TMEM40: variants seen among roughly 807,000 people sequenced by gnomAD.
The protein encoded by TMEM40 is transmembrane protein 40.
TMEM40 carries 34 observed loss-of-function variants against 40.8 expected under a neutral mutation model. The ratio of observed to expected loss-of-function variants is 0.83; its 90% CI spans 0.63 to 1.11. The LOEUF (loss-of-function observed/expected upper bound fraction) is 1.11, where lower values mean the gene tolerates loss of function less well. Among genes scored for constraint, TMEM40 ranks in the 50% least tolerant of loss-of-function variants. TMEM40 has a pLI of 0.00. For synonymous variants in TMEM40, 106 were observed against 107.0 expected (o/e 0.99, Z 0.06); for missense variants, 296 against 280.2 (o/e 1.06, Z -0.40).
chr3:12,738,308 T>C (rs2106606623), intron 6 of TMEM40, 140 bp from the exon 7 acceptor site: 2 of 1,061,638 alleles, frequency 1.9e-6, no homozygotes, highest in Non-Finnish European at 2.8e-6. Flanking sequence ...CTTCTCTCTA[T>C]TGATGGCTGG....
chr3:12,765,019 C>T (rs2061587542), intron 1 of TMEM40, among the ~76,000 whole-genome samples: 1 of 151,936 alleles, frequency 6.6e-6, no homozygotes, highest in African/African-American at 2.4e-5. Context: ...TTACAGGCAC[C>T]TGCCACCATG....
upstream of TMEM40, among the ~76,000 whole-genome samples, chr3:12,762,460 G>A (rs1189443395): frequency 1.3e-5 from 2 of 152,180 alleles, no homozygotes; most frequent in Non-Finnish European, 2.9e-5. Flanking sequence ...CTAATTATAA[G>A]TCTGTCTTCT....
intron 5 of TMEM40, among the ~76,000 whole-genome samples, chr3:12,740,786 A>C (rs2061376010): frequency 6.6e-6 from 1 of 152,034 alleles, no homozygotes; most frequent in Admixed American, 6.6e-5. Context: ...TGAGCCCAGG[A>C]GGTGGAGGTT....
chr3:12,742,073 T>C (rs2061387505), intron 5 of TMEM40, among the ~76,000 whole-genome samples: 1 of 151,842 alleles, frequency 6.6e-6, no homozygotes, highest in African/African-American at 2.4e-5. Flanking sequence ...CTACTAAAAA[T>C]ACAAAAAATT....
In TMEM40 at chr3:12,743,982, A is replaced by G; in HGVS notation, c.219T>C (p.Asn73=). ...TTGCTCTGGGTTGCTGGTCCTCATC[A>G]TTGCTCTCTGCGGGTAACAAACACA... ...SSSSSSSSES[N]DEDQQPRATG... is the part of the protein sequence containing the mutation. The change falls in exon 4 of 12, where the codon AAT becomes AAC. Residue 73 remains asparagine (N), a synonymous_variant. Transcript: ENST00000314124. The G allele has an allele frequency of 6.2e-7, 1 of 1,611,934 alleles. No individual in the cohort carries two copies. The highest frequency in any genetic ancestry group is 8.5e-7 in the Non-Finnish European group (1 of 1,179,180).
In TMEM40 at chr3:12,736,571, G is replaced by A. The variant is rs2061339007; in HGVS notation, c.619+7C>T. 6.4e-7 allele frequency: 1 copy of A among 1,552,872 alleles called. No individual in the cohort carries two copies. Among genetic ancestry groups the A allele is most frequent in the Non-Finnish European group, 8.7e-7 (1 of 1,147,604 alleles). ...GTGTGTGTGTCCATGCTGGGGGAGG[G>A]GCTTACCTAGTCCGAAGTAGATGCC... On this transcript the variant is annotated splice_region_variant and intron_variant, in intron 10 of 11. Transcript: ENST00000314124.
In TMEM40 at chr3:12,749,818, T is replaced by C. The variant is rs1237774656; in HGVS notation, c.15A>G (p.Ala5=). The change falls in exon 2 of 12, where the codon GCA becomes GCG. Residue 5 remains alanine (A), a synonymous_variant. Transcript: ENST00000314124. ...TGTTGTCCTGAGGCTGGGAGGAGGA[T>C]GCTGAAGTCTCCATGGCTTTTCCTG... METS[A]SSSQPQDNSQ... 1 of 1,614,090 alleles carries C rather than the reference T, an allele frequency of 6.2e-7. No homozygotes were observed. The highest frequency in any genetic ancestry group is 2.2e-5 in the East Asian group (1 of 44,888).
intron 2 of TMEM40, among the ~76,000 whole-genome samples, chr3:12,749,147 C>T (rs2061453221): frequency 6.6e-6 from 1 of 152,096 alleles, no homozygotes; most frequent in Non-Finnish European, 1.5e-5. Context: ...GCCTCAGCCT[C>T]CTGAGTAGCT....
Position 12,741,425 on chromosome 3 carries a change from T to C in TMEM40, c.355+1029A>G, listed in dbSNP as rs375482791. The stretch of plus-strand genomic sequence containing the variant: ...GGACACAAACACCACAAGAGGCACT[T>C]AGCATGTGACAACAGGCACTCAGCA... On this transcript the variant is annotated intron_variant, in intron 5 of 11. Coordinates refer to ENST00000314124, the MANE Select transcript of TMEM40 (RefSeq NM_018306.4). 9 of 152,278 alleles carry C rather than the reference T, an allele frequency of 5.9e-5. No homozygotes were observed. In the East Asian group the frequency reaches 1.4e-3, roughly 23 times the overall value. The allele number at this position is 152,278 out of a possible 1,614,324, so 9.4% of individuals were successfully genotyped here.
In TMEM40 at chr3:12,748,796, C is replaced by T. The variant is rs1218834550; in HGVS notation, c.74-4G>A. 3 of 1,613,828 alleles carry T rather than the reference C, an allele frequency of 1.9e-6. No individual in the cohort carries two copies. Among genetic ancestry groups the T allele is most frequent in the Admixed American group, 1.7e-5 (1 of 60,016 alleles). ...TTGTGGAAATCTGTCTCTCCATCTACAAGGCACACAGAGGCCAGGGGATGA... is the reference window on the plus strand; with the variant it reads ...TTGTGGAAATCTGTCTCTCCATCTATAAGGCACACAGAGGCCAGGGGATGA... On this transcript the variant is annotated splice_region_variant and splice_polypyrimidine_tract_variant and intron_variant, in intron 2 of 11. Coordinates refer to ENST00000314124, the MANE Select transcript of TMEM40 (RefSeq NM_018306.4).
Position 12,737,751 on chromosome 3 carries a change from TCTC to T in TMEM40, c.425_427del (p.Gly142del), listed in dbSNP as rs2061348513. The stretch of plus-strand genomic sequence containing the variant: ...TCTTCTTAACTGAGAGGCCTCCACT[TCTC>T]CTTAAGAACAAGAGAGAGATGAATA... On this transcript the variant is annotated inframe_deletion and splice_region_variant, in exon 8 of 12. Coordinates refer to ENST00000314124, the MANE Select transcript of TMEM40 (RefSeq NM_018306.4). 1 of 1,613,682 alleles carries T rather than the reference TCTC, an allele frequency of 6.2e-7. No individual in the cohort carries two copies. The highest frequency in any genetic ancestry group is 8.5e-7 in the Non-Finnish European group (1 of 1,179,766).
intron 10 of TMEM40, 110 bp from the exon 11 acceptor site, chr3:12,735,727 C>G: frequency 1.2e-6 from 1 of 845,020 alleles, no homozygotes; most frequent in East Asian, 2.6e-5. Context: ...GATGGTGGAA[C>G]TTCAGGCAGC....
chr3:12,738,043 G>A (rs1366053627), intron 7 of TMEM40, 93 bp downstream of exon 7: 1 of 1,506,064 alleles, frequency 6.6e-7, no homozygotes, highest in South Asian at 1.2e-5. Flanking sequence ...TCCCTGCTGG[G>A]ACTAACCCAC....
At chr3:12,758,220 A>T (rs560054881) in intron 1 of TMEM40, among the ~76,000 whole-genome samples, 1 of 152,216 alleles carries the variant, frequency 6.6e-6, no homozygotes, top group Non-Finnish European at 1.5e-5. Context: ...CCTTTTCACA[A>T]GGAGGATTTC....
intron 11 of TMEM40, 132 bp downstream of exon 11, chr3:12,735,423 C>A (rs2061330187): frequency 1.2e-6 from 1 of 845,240 alleles, no homozygotes; most frequent in African/African-American, 1.7e-5. Flanking sequence ...AGCTAGTAAA[C>A]TGGCAGAGGT....
At position 12,749,794 on chromosome 3, in the gene TMEM40, G is replaced by C. The variant is rs1283926641; in HGVS notation, c.39C>G (p.Asn13Lys). 1 of 1,614,072 alleles carries C rather than the reference G, an allele frequency of 6.2e-7. No homozygotes were observed. The change falls in exon 2 of 12, where the codon AAC becomes AAG. Residue 13 changes from asparagine to lysine, a missense_variant. Coordinates refer to ENST00000314124, the MANE Select transcript of TMEM40 (RefSeq NM_018306.4). ...TSASSSQPQD[N>K]SQVHRETEDV... is the part of the protein sequence containing the mutation. ...CTTCTGTTTCTCTGTGGACTTGACT[G>C]TTGTCCTGAGGCTGGGAGGAGGATG...
intron 8 of TMEM40, among the ~76,000 whole-genome samples, chr3:12,737,242 T>A (rs901867699): frequency 2.0e-5 from 3 of 151,712 alleles, no homozygotes; most frequent in African/African-American, 7.3e-5. Context: ...TCTTTCCTCT[T>A]GCCCTCCCCT....
chr3:12,741,929 T>C (rs1338061223), intron 5 of TMEM40, among the ~76,000 whole-genome samples: 1 of 151,856 alleles, frequency 6.6e-6, no homozygotes, highest in Non-Finnish European at 1.5e-5. Context: ...ACTCTGTCTC[T>C]ACTAAAAAAT....
intron 1 of TMEM40, among the ~76,000 whole-genome samples, chr3:12,753,112 G>C (rs1575741810): frequency 6.6e-6 from 1 of 152,192 alleles, no homozygotes; most frequent in East Asian, 1.9e-4. Context: ...CCATCACCGG[G>C]GGAAGACCCG....
Sources: allele counts gnomAD v4.1 joint callset (sites outside exome capture counted in the v4.1 genomes callset), GRCh38; gene constraint gnomAD v4.1.1; transcripts MANE v1.5; gene names NCBI Gene and HGNC (gene_info 2026-07-23, HGNC 2026-07-21).